The following TRIL variants were observed in gnomAD, a reference collection of about 807,000 sequenced individuals.
The protein encoded by TRIL is TLR4 interactor with leucine rich repeats.
A neutral mutation model predicts 43.0 loss-of-function variants in TRIL; 23 were observed. That is an observed-to-expected ratio of 0.54 (90% confidence interval 0.39 to 0.76). TRIL has a LOEUF of 0.76. TRIL is among the 30% of genes least tolerant of loss of function. The probability of loss-of-function intolerance (pLI) is 0.00; values close to 1 mark genes in which losing one functional copy is unlikely to be tolerated. For missense variants in TRIL, 1,114 were observed against 1,139.3 expected, an observed-to-expected ratio of 0.98 and a Z score of 0.32; for synonymous variants, 602 against 556.8, an observed-to-expected ratio of 1.08 and a Z score of -1.14.
rs770049358 is a variant in TRIL at position 28,957,696 on chromosome 7, G to T, written c.351C>A (p.Asn117Lys). ...TGCCCGGGGCGAGCGCCTGCAAGAG[G>T]TTGTTCCCCAGGTACAGCTCTTCCA... ...SRLEELYLGN[N>K]LLQALAPGTL... is the part of the protein sequence containing the mutation. Residue 117 changes from asparagine to lysine, a missense_variant, in exon 1 of 1, where the codon AAC (asparagine) becomes AAA (lysine). Physicochemically the swap from Asn to Lys is moderately conservative, Grantham distance 94. Coordinates refer to ENST00000539664, the MANE Select transcript of TRIL (RefSeq NM_014817.4). 1.9e-6 allele frequency: 3 copies of T among 1,610,604 alleles called. No individual in the cohort carries two copies. In the African/African-American group the frequency reaches 4.0e-5, roughly 22 times the overall value.
In TRIL at chr7:28,954,488, T is replaced by C. The variant is rs560338193; in HGVS notation, c.*1123A>G. On this transcript the variant is annotated 3_prime_UTR_variant, in exon 1 of 1. Coordinates refer to ENST00000539664, the MANE Select transcript of TRIL (RefSeq NM_014817.4). ...TTTTCTATAATTTCTTCCCCTCTAC[T>C]ATTTCATATAAAGACACTAATGTGG... 3.3e-5 allele frequency: 5 copies of C among 152,796 alleles called. No homozygotes were observed. The South Asian group carries it at 1.0e-3, about 32-fold the overall frequency. 9.5% of individuals were successfully genotyped at this position (152,796 alleles called of 1,614,324 possible). A position where few individuals can be genotyped will look rare whatever the true frequency, so the allele number is the denominator to read the frequency against.
Position 28,956,174 on chromosome 7 carries a change from C to A in TRIL, c.1873G>T (p.Asp625Tyr). ...LGGARFRLLF[D>Y]RFGQQPKFHR... The stretch of plus-strand genomic sequence containing the variant: ...AACTTGGGCTGCTGGCCAAAGCGGT[C>A]AAAGAGCAGGCGGAAGCGCGCGCCG... Residue 625 changes from aspartate to tyrosine, a missense_variant, in exon 1 of 1, where the codon GAC (aspartate) becomes TAC (tyrosine). Coordinates refer to ENST00000539664, the MANE Select transcript of TRIL (RefSeq NM_014817.4). 1 of 1,574,886 alleles carries A rather than the reference C, an allele frequency of 6.3e-7. No individual in the cohort carries two copies. Among genetic ancestry groups the A allele is most frequent in the Non-Finnish European group, 8.6e-7 (1 of 1,161,592 alleles).
rs991667767 is a variant in TRIL, at chr7:28,955,890, A to C, written c.2157T>G (p.Ser719=). ...CCCGCAGTTTCCTACGCAGCCAGCG[A>C]GACGCCCAGGCCGCCAAGGCCAGGA... is the stretch of plus-strand genomic sequence containing the variant. ...LVLLALAAWA[S]RWLRRKLRAR... Residue 719 remains serine, a synonymous_variant, in exon 1 of 1, where the codon TCT becomes TCG. Transcript: ENST00000539664. 3 of 1,550,742 alleles carry C rather than the reference A, an allele frequency of 1.9e-6. No individual in the cohort carries two copies. The highest frequency in any genetic ancestry group is 4.9e-5 in the East Asian group (2 of 41,038).
In TRIL at chr7:28,956,125, T is replaced by C; in HGVS notation, c.1922A>G (p.Glu641Gly). 3 of 1,563,778 alleles carry C rather than the reference T, an allele frequency of 1.9e-6. No homozygotes were observed. The highest frequency in any genetic ancestry group is 2.6e-6 in the Non-Finnish European group (3 of 1,156,078). The change falls in exon 1 of 1, where the codon GAG (glutamate) becomes GGG (glycine). Residue 641 changes from glutamate to glycine, a missense_variant. Glu to Gly is a moderately conservative substitution (Grantham distance 98). Coordinates refer to ENST00000539664, the MANE Select transcript of TRIL (RefSeq NM_014817.4). The part of the protein sequence containing the change: ...PKFHRFVYLP[E>G]SSDSATLREL... Reference sequence around the variant, plus strand: ...GCGCAGCGTGGCCGAGTCGCTGCTCTCAGGCAGGTAGACGAAGCGGTGGAA... The same window carrying C: ...GCGCAGCGTGGCCGAGTCGCTGCTCCCAGGCAGGTAGACGAAGCGGTGGAA...
At position 28,957,922 on chromosome 7, in the gene TRIL, G is replaced by T. The variant is rs779437553; in HGVS notation, c.125C>A (p.Thr42Asn). Residue 42 changes from threonine (T) to asparagine (N), a missense_variant, in exon 1 of 1, where the codon ACC becomes AAC. Transcript: ENST00000539664. ...DCQHPQHLLCTNRGLRVVPKT... is the reference protein window; with the variant it reads ...DCQHPQHLLCNNRGLRVVPKT... ...GGGCACTACGCGGAGCCCCCTGTTGGTGCACAGGAGATGCTGGGGATGCTG... is the reference window on the plus strand; with the variant it reads ...GGGCACTACGCGGAGCCCCCTGTTGTTGCACAGGAGATGCTGGGGATGCTG... The T allele has an allele frequency of 6.2e-7, 1 of 1,611,394 alleles. No homozygotes were observed. The highest frequency in any genetic ancestry group is 1.7e-5 in the Admixed American group (1 of 60,034).
chr7:28,957,660 C>T lies in TRIL; in HGVS notation c.387G>A (p.Pro129=), dbSNP rs755851754. ...CGTAGAGGATGCGCAGCTTGCGCAG[C>T]GGGGCCAGCGTGCCCGGGGCGAGCG... The part of the protein sequence containing the change: ...LQALAPGTLA[P]LRKLRILYAN... The change falls in exon 1 of 1, where the codon CCG becomes CCA. Residue 129 remains proline, a synonymous_variant. Transcript: ENST00000539664. 1.2e-6 allele frequency: 2 copies of T among 1,609,242 alleles called. No individual in the cohort carries two copies. Among genetic ancestry groups the T allele is most frequent in the South Asian group, 2.2e-5 (2 of 90,442 alleles).
In TRIL at chr7:28,957,526, A is replaced by G. The variant is rs933286151; in HGVS notation, c.521T>C (p.Val174Ala). The stretch of plus-strand genomic sequence containing the variant: ...GAGCAGGTTGCCCAAGGGAGCGAAG[A>G]CCGCGTCCGGCAGCGCCCCCAGGGC... The part of the protein sequence containing the change: ...GNALGALPDA[V>A]FAPLGNLLYL... Residue 174 changes from valine to alanine, a missense_variant, in exon 1 of 1, where the codon GTC becomes GCC. Physicochemically the swap from Val to Ala is moderately conservative, Grantham distance 64. Transcript: ENST00000539664. 3.1e-6 allele frequency: 5 copies of G among 1,612,842 alleles called. No individual in the cohort carries two copies. The South Asian group carries it at 5.5e-5, about 18-fold the overall frequency.
rs748581791 is a variant in TRIL at position 28,957,947 on chromosome 7, G to A, written c.100C>T (p.Gln34Ter). Residue 34 changes from glutamine to a stop codon, truncating the protein, a stop_gained, in exon 1 of 1, where the codon CAG (glutamine) becomes TAG (stop). Transcript: ENST00000539664. LOFTEE classifies it high-confidence loss of function. ...EPVCPERCDC[Q>*]HPQHLLCTNR... ...GTGCACAGGAGATGCTGGGGATGCTGGCAGTCGCAGCGCTCCGGGCACACG... is the reference window on the plus strand; with the variant it reads ...GTGCACAGGAGATGCTGGGGATGCTAGCAGTCGCAGCGCTCCGGGCACACG... 9 of 1,607,548 alleles carry A rather than the reference G, an allele frequency of 5.6e-6. No homozygotes were observed. In the African/African-American group the frequency reaches 1.2e-4, roughly 21 times the overall value.
rs1044291507 is a variant in TRIL at position 28,957,672 on chromosome 7, G to T, written c.375C>A (p.Gly125=). 11 of 1,608,850 alleles carry T rather than the reference G, an allele frequency of 6.8e-6. No individual in the cohort carries two copies. In the African/African-American group the frequency reaches 1.3e-4, roughly 20 times the overall value. Residue 125 remains glycine (G), a synonymous_variant, in exon 1 of 1, where the codon GGC becomes GGA. Coordinates refer to ENST00000539664, the MANE Select transcript of TRIL (RefSeq NM_014817.4). Reference sequence around the variant, plus strand: ...GCAGCTTGCGCAGCGGGGCCAGCGTGCCCGGGGCGAGCGCCTGCAAGAGGT... The same window carrying T: ...GCAGCTTGCGCAGCGGGGCCAGCGTTCCCGGGGCGAGCGCCTGCAAGAGGT... The part of the protein sequence containing the change: ...GNNLLQALAP[G]TLAPLRKLRI...
chr7:28,956,545 G>A lies in TRIL; in HGVS notation c.1502C>T (p.Ala501Val), dbSNP rs760035350. ...LQQPSPSVAA[A>V]AGPAPQSLDL... ...TAGGGACTGTGGAGCCGGGCCCGCG[G>A]CGGCAGCGACGGAGGGGCTGGGCTG... Residue 501 changes from alanine to valine, a missense_variant, in exon 1 of 1, where the codon GCC becomes GTC. Transcript: ENST00000539664. The A allele has an allele frequency of 2.6e-6, 4 of 1,556,532 alleles. No individual in the cohort carries two copies. In the South Asian group the frequency reaches 4.7e-5, roughly 18 times the overall value.
rs371262660 is a variant in TRIL, at chr7:28,954,675, G to C, written c.*936C>G. 54 of 152,332 alleles carry C rather than the reference G, an allele frequency of 3.5e-4. No individual in the cohort carries two copies. The highest frequency in any genetic ancestry group is 6.8e-3 in the Middle Eastern group (2 of 294). 9.4% of individuals were successfully genotyped at this position (152,332 alleles called of 1,614,324 possible). A position where few individuals can be genotyped will look rare whatever the true frequency, so the allele number is the denominator to read the frequency against. The stretch of plus-strand genomic sequence containing the variant: ...ACATTTATTCCAATCTAAACACACT[G>C]TCACAGATGTGGTAAGTGAACTGGA... On this transcript the variant is annotated 3_prime_UTR_variant, in exon 1 of 1. Coordinates refer to ENST00000539664, the MANE Select transcript of TRIL (RefSeq NM_014817.4).
rs1783371793 is a variant in TRIL at position 28,954,820 on chromosome 7, G to A, written c.*791C>T. On this transcript the variant is annotated 3_prime_UTR_variant, in exon 1 of 1. Transcript: ENST00000539664. ...AAAAAATAAAATTAAAAAAGCCACA[G>A]GAGCAACCCTGACAGAGAAGTCTTG... The A allele has an allele frequency of 6.6e-6, 1 of 152,124 alleles. No individual in the cohort carries two copies. The highest frequency in any genetic ancestry group is 2.4e-5 in the African/African-American group (1 of 41,414). 9.4% of individuals were successfully genotyped at this position (152,124 alleles called of 1,614,324 possible).
Position 28,956,505 on chromosome 7 carries a change from C to G in TRIL, c.1542G>C (p.Lys514Asn), listed in dbSNP as rs750149340. ...PAPQSLDLHKKPQRGRPTRAD... is the reference protein window; with the variant it reads ...PAPQSLDLHKNPQRGRPTRAD... The stretch of plus-strand genomic sequence containing the variant: ...CCCGAGTCGGACGGCCCCGCTGGGG[C>G]TTCTTGTGCAGGTCTAGGGACTGTG... Residue 514 changes from lysine (K) to asparagine (N), a missense_variant, in exon 1 of 1, where the codon AAG becomes AAC. Coordinates refer to ENST00000539664, the MANE Select transcript of TRIL (RefSeq NM_014817.4). The G allele has an allele frequency of 6.3e-7, 1 of 1,576,972 alleles. No individual in the cohort carries two copies. The highest frequency in any genetic ancestry group is 1.7e-5 in the Admixed American group (1 of 57,574).
chr7:28,955,725 G>A lies in TRIL; in HGVS notation c.2322C>T (p.Leu774=). The A allele has an allele frequency of 3.9e-6, 6 of 1,550,310 alleles. No homozygotes were observed. Among genetic ancestry groups the A allele is most frequent in the Non-Finnish European group, 5.2e-6 (6 of 1,146,922 alleles). Residue 774 remains leucine, a synonymous_variant, in exon 1 of 1, where the codon CTC becomes CTT. Coordinates refer to ENST00000539664, the MANE Select transcript of TRIL (RefSeq NM_014817.4). ...GGAATTCGATGAGGTCCGCCTCACT[G>A]AGCGCGCACACGGTGGTGCGTGGCC... ...SHRPRTTVCA[L]SEADLIEFPC...
rs770276859 is a variant in TRIL, at chr7:28,957,627, C to T, written c.420G>A (p.Gly140=). ...CGCGGCTTAGGCGGCTGATCTCGTT[C>T]CCGTTGGCGTAGAGGATGCGCAGCT... The part of the protein sequence containing the change: ...LRKLRILYAN[G]NEISRLSRGS... Residue 140 remains glycine, a synonymous_variant, in exon 1 of 1, where the codon GGG becomes GGA. Transcript: ENST00000539664. The T allele has an allele frequency of 1.7e-5, 27 of 1,610,992 alleles. No individual in the cohort carries two copies. In the South Asian group the frequency reaches 2.9e-4, roughly 17 times the overall value.
chr7:28,957,412 G>A lies in TRIL; in HGVS notation c.635C>T (p.Ala212Val). The A allele has an allele frequency of 6.2e-7, 1 of 1,613,506 alleles. No homozygotes were observed. Residue 212 changes from alanine to valine, a missense_variant, in exon 1 of 1, where the codon GCC becomes GTC. Ala to Val is a moderately conservative substitution (Grantham distance 64). Coordinates refer to ENST00000539664, the MANE Select transcript of TRIL (RefSeq NM_014817.4). ...GCGCAGGGAGGGCTGTAGCTCGTTG[G>A]CAGAGAGGTTGAGGAAGCGCAGCTT... ...LGKLRFLNLS[A>V]NELQPSLRHA...
chr7:28,954,957 A>C lies in TRIL; in HGVS notation c.*654T>G, dbSNP rs1019328413. On this transcript the variant is annotated 3_prime_UTR_variant, in exon 1 of 1. Transcript: ENST00000539664. The stretch of plus-strand genomic sequence containing the variant: ...ATAATAAAATGGCCCAGTCCAACTA[A>C]AACAGTCCTTGAGTCTATTGGTCAG... The C allele has an allele frequency of 6.6e-6, 1 of 152,190 alleles. No homozygotes were observed. Among genetic ancestry groups the C allele is most frequent in the African/African-American group, 2.4e-5 (1 of 41,416 alleles). 9.4% of individuals were successfully genotyped at this position (152,190 alleles called of 1,614,324 possible).
In TRIL at chr7:28,956,394, C is replaced by T; in HGVS notation, c.1653G>A (p.Thr551=). 2 of 1,535,322 alleles carry T rather than the reference C, an allele frequency of 1.3e-6. No individual in the cohort carries two copies. The highest frequency in any genetic ancestry group is 8.7e-7 in the Non-Finnish European group (1 of 1,146,864). The change falls in exon 1 of 1, where the codon ACG becomes ACA. Residue 551 remains threonine, a synonymous_variant. Transcript: ENST00000539664. ...SPAGDPWQRA[T]KHRLGTEHQE... is the part of the protein sequence containing the mutation. ...GGTGCTCCGTGCCCAGACGATGCTT[C>T]GTCGCGCGCTGCCAGGGGTCGCCGG...
At position 28,957,816 on chromosome 7, in the gene TRIL, G is replaced by T; in HGVS notation, c.231C>A (p.Phe77Leu). 8 of 1,613,850 alleles carry T rather than the reference G, an allele frequency of 5.0e-6. No individual in the cohort carries two copies. The highest frequency in any genetic ancestry group is 6.8e-6 in the Non-Finnish European group (8 of 1,179,758). Residue 77 changes from phenylalanine (F) to leucine (L), a missense_variant, in exon 1 of 1, where the codon TTC (phenylalanine) becomes TTA (leucine). Transcript: ENST00000539664. ...TGAGCTGCCCCAGACGGTGGAAGTC[G>T]AAGGCCGTGATGTTGGTTATGAAGT... ...GGNFITNITA[F>L]DFHRLGQLRR...
Sources: gnomAD v4.1 joint callset for allele counts on GRCh38, gnomAD v4.1.1 for gene constraint, MANE v1.5 for transcripts, NCBI Gene and HGNC (gene_info 2026-07-23, HGNC 2026-07-21) for gene names.